Variants in CACNG3 observed in about 807,000 individuals in gnomAD.
CACNG3 encodes the protein voltage-dependent calcium channel gamma-3 subunit.
CACNG3 carries 3 observed loss-of-function variants against 28.5 expected under a neutral mutation model. That is an observed-to-expected ratio of 0.11 (90% CI 0.05 to 0.27). The LOEUF (loss-of-function observed/expected upper bound fraction) is 0.27, where lower values mean the gene tolerates loss of function less well. Among genes scored for constraint, CACNG3 ranks in the 10% least tolerant of loss-of-function variants. The pLI, the probability that CACNG3 is intolerant of heterozygous loss-of-function variation, is 1.00. For missense variants in CACNG3, 236 were observed against 414.4 expected, an observed-to-expected ratio of 0.57 and a Z score of 3.74; for synonymous variants, 174 against 162.2, an observed-to-expected ratio of 1.07 and a Z score of -0.55.
chr16:24,350,857 A>G (rs561690086), intron 2 of CACNG3, among the ~76,000 whole-genome samples: 2 of 152,342 alleles, frequency 1.3e-5, no homozygotes, highest in East Asian at 3.9e-4. Context: ...TAATATTTGC[A>G]AGGGCCCAAG....
chr16:24,311,135 T>A (rs1174466748), intron 1 of CACNG3, among the ~76,000 whole-genome samples: 3 of 152,206 alleles, frequency 2.0e-5, no homozygotes, highest in Non-Finnish European at 4.4e-5. Context: ...ACAAGATCTC[T>A]GTGTGTCCCA....
At chr16:24,263,073 T>C (rs1003725715) in intron 1 of CACNG3, among the ~76,000 whole-genome samples, 2 of 152,202 alleles carry the variant, frequency 1.3e-5, no homozygotes, top group African/African-American at 2.4e-5. Flanking sequence ...TTAGTACAGA[T>C]TGAGGCCTGG....
chr16:24,280,176 T>A (rs1306105934), intron 1 of CACNG3, among the ~76,000 whole-genome samples: 1 of 152,170 alleles, frequency 6.6e-6, no homozygotes, highest in Non-Finnish European at 1.5e-5. Context: ...GTTTATTGGG[T>A]CGTGGAAAGC....
chr16:24,308,987 T>C (rs939594574), intron 1 of CACNG3, among the ~76,000 whole-genome samples: 1 of 152,266 alleles, frequency 6.6e-6, no homozygotes, highest in South Asian at 2.1e-4. Context: ...CACTTAACCC[T>C]TCACAGCAGC....
chr16:24,283,478 G>A (rs543969101), intron 1 of CACNG3, among the ~76,000 whole-genome samples: 50 of 152,218 alleles, frequency 3.3e-4, no homozygotes, highest in African/African-American at 1.2e-3. Context: ...TTAATGGATG[G>A]TGTTTTCCAG....
At chr16:24,261,347 G>A (rs371707180) in intron 1 of CACNG3, among the ~76,000 whole-genome samples, 5 of 152,290 alleles carry the variant, frequency 3.3e-5, no homozygotes, top group African/African-American at 1.2e-4. Flanking sequence ...CTCATCTGAA[G>A]GATGACTACT....
At chr16:24,270,803 G>A (rs1043979153) in intron 1 of CACNG3, among the ~76,000 whole-genome samples, 7 of 152,208 alleles carry the variant, frequency 4.6e-5, no homozygotes, top group African/African-American at 1.2e-4. Context: ...GGATGAAATT[G>A]TAAATGGTGT....
rs201783918 is a variant in CACNG3, at chr16:24,307,126, C to CTGT, written c.212-39595_212-39593dup. ...TGGACATCTCCAAATGCCATCTTTG[C>CTGT]TGTTGTTGTTGTTGTGTTGTTTTCT... On this transcript the variant is annotated intron_variant, in intron 1 of 3. Coordinates refer to ENST00000005284, the MANE Select transcript of CACNG3 (RefSeq NM_006539.4). Among the ~76,000 whole-genome samples, 957 of 152,092 alleles carry CTGT rather than the reference C, an allele frequency of 6.3e-3. 2 individuals carry two copies. Among genetic ancestry groups the CTGT allele is most frequent in the Non-Finnish European group, 9.9e-3 (676 of 67,998 alleles).
intron 1 of CACNG3, among the ~76,000 whole-genome samples, chr16:24,279,971 T>A (rs1596625417): frequency 6.6e-6 from 1 of 152,346 alleles, no homozygotes; most frequent in Non-Finnish European, 1.5e-5. Context: ...ATATCTAGTC[T>A]AATTACTTCC....
chr16:24,349,921 A>G (rs1262247297), intron 2 of CACNG3, among the ~76,000 whole-genome samples: 1 of 152,176 alleles, frequency 6.6e-6, no homozygotes, highest in Non-Finnish European at 1.5e-5. Context: ...TTGACTAGAG[A>G]CTTCCACGAC....
At chr16:24,301,602 CT>C (rs1899112686) in intron 1 of CACNG3, among the ~76,000 whole-genome samples, 1 of 152,178 alleles carries the variant, frequency 6.6e-6, no homozygotes. Flanking sequence ...GCCATTGTTT[CT>C]TTTGCTTTTC....
In CACNG3 at chr16:24,361,305, T is replaced by C; in HGVS notation, c.437-47T>C. 1 of 1,372,896 alleles carries C rather than the reference T, an allele frequency of 7.3e-7. No homozygotes were observed. Among genetic ancestry groups the C allele is most frequent in the Non-Finnish European group, 1.0e-6 (1 of 1,001,130 alleles). The allele number at this position is 1,372,896 out of a possible 1,614,324, so 85.0% of individuals were successfully genotyped here. On this transcript the variant is annotated intron_variant, in intron 3 of 3. Transcript: ENST00000005284. The surrounding 1 kb of genome is among the most constrained non-coding windows in gnomAD (Gnocchi z 6.8). ...ATTTTAAGATGGAAAGTGACAGTTC[T>C]CTCCGAGGTGTATAAAGGACGTGTT...
At chr16:24,313,359 A>G (rs888870310) in intron 1 of CACNG3, among the ~76,000 whole-genome samples, 16 of 152,262 alleles carry the variant, frequency 1.1e-4, no homozygotes, top group Non-Finnish European at 2.2e-4. Context: ...CACAGCTTGA[A>G]GTAATACAGT....
At chr16:24,262,073 G>A (rs575426315) in intron 1 of CACNG3, among the ~76,000 whole-genome samples, 1 of 152,116 alleles carries the variant, frequency 6.6e-6, no homozygotes, top group East Asian at 1.9e-4. Flanking sequence ...AATCTGTAAG[G>A]ACAGGGATTA....
chr16:24,276,112 A>G (rs1179839954), intron 1 of CACNG3, among the ~76,000 whole-genome samples: 1 of 152,252 alleles, frequency 6.6e-6, no homozygotes, highest in African/African-American at 2.4e-5. Flanking sequence ...AAGTCTAACA[A>G]CAGTGGGCAA....
At chr16:24,341,452 T>C (rs1397278806) in intron 1 of CACNG3, among the ~76,000 whole-genome samples, 1 of 152,222 alleles carries the variant, frequency 6.6e-6, no homozygotes, top group Non-Finnish European at 1.5e-5. Flanking sequence ...AGCTGTAATA[T>C]ACTGAGTTCC....
At chr16:24,301,248 T>A (rs927356373) in intron 1 of CACNG3, among the ~76,000 whole-genome samples, 9 of 150,268 alleles carry the variant, frequency 6.0e-5, no homozygotes, top group Non-Finnish European at 1.0e-4. Flanking sequence ...TATATGGGGA[T>A]CCATGAATAT....
intron 1 of CACNG3, among the ~76,000 whole-genome samples, chr16:24,324,025 C>T (rs1899501535): frequency 1.3e-5 from 2 of 152,302 alleles, no homozygotes; most frequent in African/African-American, 2.4e-5. Flanking sequence ...CTGCCTGCCT[C>T]GGCCTCCTAA....
At chr16:24,356,209 G>A (rs930596248) in intron 3 of CACNG3, among the ~76,000 whole-genome samples, 1 of 152,138 alleles carries the variant, frequency 6.6e-6, no homozygotes, top group Non-Finnish European at 1.5e-5. Flanking sequence ...GCTGGACTCT[G>A]GTGATGACTT....
Sources: gnomAD v4.1 joint callset for allele counts (sites outside exome capture counted in the v4.1 genomes callset) on GRCh38, gnomAD v4.1.1 for gene constraint, Gnocchi (gnomAD v3.1) non-coding constraint, MANE v1.5 for transcripts, NCBI Gene and HGNC (gene_info 2026-07-23, HGNC 2026-07-21) for gene names.